The following SCN11A variants were observed in gnomAD, a reference collection of about 807,000 sequenced individuals.
SCN11A encodes sodium voltage-gated channel alpha subunit 11.
SCN11A carries 122 observed loss-of-function variants against 162.2 expected under a neutral mutation model. The observed-to-expected ratio is 0.75, with a 90% CI of 0.65 to 0.87. SCN11A has a LOEUF of 0.87. Ranked by LOEUF, SCN11A falls within the 40% of genes least tolerant of loss-of-function variation. The probability of loss-of-function intolerance (pLI) is 0.00; values close to 1 mark genes in which losing one functional copy is unlikely to be tolerated. For synonymous variants in SCN11A, 758 were observed against 751.5 expected (o/e 1.01, Z -0.14); for missense variants, 2,015 against 2,181.6 (o/e 0.92, Z 1.52).
chr3:39,000,193 A>C (rs1430799946), intron 2 of SCN11A, among the ~76,000 whole-genome samples: 1 of 152,224 alleles, frequency 6.6e-6, no homozygotes, highest in Non-Finnish European at 1.5e-5. Context: ...GGGGCAATAC[A>C]TTGCATGTAG....
chr3:38,913,227 T>C (rs192827589), intron 11 of SCN11A, among the ~76,000 whole-genome samples: 1 of 152,296 alleles, frequency 6.6e-6, no homozygotes, highest in East Asian at 1.9e-4. Context: ...ATTTGTCTAA[T>C]GGTCAGTGAT....
rs1401342697 is a variant in SCN11A, at chr3:38,894,788, C to A, written c.2580G>T (p.Lys860Asn). The A allele has an allele frequency of 6.2e-7, 1 of 1,614,172 alleles. No homozygotes were observed. The highest frequency in any genetic ancestry group is 8.5e-7 in the Non-Finnish European group (1 of 1,180,028). Residue 860 changes from lysine (K) to asparagine (N), a missense_variant, in exon 19 of 30, where the codon AAG (lysine) becomes AAT (asparagine). Coordinates refer to ENST00000302328, the MANE Select transcript of SCN11A (RefSeq NM_001349253.2). ...CCTCTTTTTGCTGTGGTAAGTTTTG[C>A]TTCCTGCACCACTTGTGACAGAAAT... ...LEHFCHKWCR[K>N]QNLPQQKEVA...
intron 2 of SCN11A, among the ~76,000 whole-genome samples, chr3:38,966,418 C>CA (rs905769841): frequency 2.2e-4 from 33 of 151,482 alleles, no homozygotes; most frequent in African/African-American, 3.9e-4. Context: ...GAGTATTTTA[C>CA]AAAAAAAAGA....
At chr3:38,914,561 T>C (rs1210266220) in intron 11 of SCN11A, among the ~76,000 whole-genome samples, 1 of 152,152 alleles carries the variant, frequency 6.6e-6, no homozygotes, top group Non-Finnish European at 1.5e-5. Context: ...TCCTGTCTTG[T>C]GCTACTTTTC....
At chr3:39,029,767 A>T (rs2031697457) in intron 2 of SCN11A, among the ~76,000 whole-genome samples, 1 of 152,258 alleles carries the variant, frequency 6.6e-6, no homozygotes, top group South Asian at 2.1e-4. Context: ...AATATTTACC[A>T]TTCAAAGGCT....
chr3:39,050,135 A>G (rs2032290653), intron 1 of SCN11A, among the ~76,000 whole-genome samples: 1 of 152,202 alleles, frequency 6.6e-6, no homozygotes, highest in Non-Finnish European at 1.5e-5. Context: ...CATTGGTCTA[A>G]AAGATCCTGC....
chr3:38,847,152 A>G lies in SCN11A; in HGVS notation c.4918T>C (p.Phe1640Leu). 1 of 1,614,166 alleles carries G rather than the reference A, an allele frequency of 6.2e-7. No individual in the cohort carries two copies. Among genetic ancestry groups the G allele is most frequent in the Non-Finnish European group, 8.5e-7 (1 of 1,180,008 alleles). Residue 1640 changes from phenylalanine (F) to leucine (L), a missense_variant, in exon 30 of 30, where the codon TTT becomes CTT. By Grantham distance (22) the Phe-to-Leu change is conservative. Coordinates refer to ENST00000302328, the MANE Select transcript of SCN11A (RefSeq NM_001349253.2). ...TCAGAAAGGGCAGAATATTTGATAA[A>G]TTGTGTTGCTTCTGGGTCAAACTTT... is the stretch of plus-strand genomic sequence containing the variant. Reference protein sequence around the residue: ...WEKFDPEATQFIKYSALSDFA... With the variant: ...WEKFDPEATQLIKYSALSDFA...
intron 18 of SCN11A, among the ~76,000 whole-genome samples, chr3:38,896,071 A>C (rs565634234): frequency 1.3e-5 from 2 of 152,308 alleles, no homozygotes; most frequent in East Asian, 3.9e-4. Flanking sequence ...CTTATACAAC[A>C]AAAATCTGTA....
chr3:39,047,046 CCCCCCACCCCCA>C (rs1196512820), intron 1 of SCN11A, among the ~76,000 whole-genome samples: 1 of 63,214 alleles, frequency 1.6e-5, no homozygotes, highest in African/African-American at 7.4e-5. Context: ...CCACCCCCAT[CCCCCCACCCCCA>C]CCCCCACCCC....
Position 38,910,131 on chromosome 3 carries a change from C to T in SCN11A, c.1036G>A (p.Gly346Ser), listed in dbSNP as rs764999259. ...DYNYTNFDNF[G>S]WSFLAMFRLM... is the part of the protein sequence containing the mutation. ...CGGAACATGGCAAGAAAAGACCAGC[C>T]AAAGTTGTCAAAATTCGTATAATTA... The change falls in exon 12 of 30, where the codon GGC becomes AGC. Residue 346 changes from glycine (G) to serine (S), a missense_variant. Transcript: ENST00000302328. 6.2e-7 allele frequency: 1 copy of T among 1,613,806 alleles called. No individual in the cohort carries two copies. Among genetic ancestry groups the T allele is most frequent in the South Asian group, 1.1e-5 (1 of 91,078 alleles).
chr3:38,917,143 T>A (rs1486851053), intron 11 of SCN11A, among the ~76,000 whole-genome samples: 1 of 152,196 alleles, frequency 6.6e-6, no homozygotes, highest in African/African-American at 2.4e-5. Flanking sequence ...TCAGAATGGC[T>A]ATTACTAAAA....
intron 29 of SCN11A, 177 bp downstream of exon 29, chr3:38,850,304 T>C: frequency 1.7e-6 from 1 of 602,090 alleles, no homozygotes; most frequent in Non-Finnish European, 2.9e-6. Context: ...AATTACTCTC[T>C]ATCTCCTAGC....
chr3:38,948,153 A>T (rs1332491517), intron 5 of SCN11A, among the ~76,000 whole-genome samples: 1 of 152,304 alleles, frequency 6.6e-6, no homozygotes, highest in East Asian at 1.9e-4. Flanking sequence ...TTTTTTAAAA[A>T]TATGAGCCAG....
intron 2 of SCN11A, among the ~76,000 whole-genome samples, chr3:38,964,261 C>A (rs561968623): frequency 6.6e-6 from 1 of 152,152 alleles, no homozygotes; most frequent in African/African-American, 2.4e-5. Flanking sequence ...TCAGTTCTGC[C>A]GTCTGATGAG....
Position 38,883,339 on chromosome 3 carries a change from G to C in SCN11A, c.3113C>G (p.Pro1038Arg). The change falls in exon 22 of 30, where the codon CCC becomes CGC. Residue 1038 changes from proline to arginine, a missense_variant. By Grantham distance (103) the Pro-to-Arg change is moderately radical (BLOSUM62 -2). Transcript: ENST00000302328. ...CCGCAGGTTCCACCAAATGACCCAG[G>C]GAGGCTTTCTCTTGTCCACGCTACA... The part of the protein sequence containing the change: ...PCCSVDKRKP[P>R]WVIWWNLRKT... 1 of 1,614,014 alleles carries C rather than the reference G, an allele frequency of 6.2e-7. No individual in the cohort carries two copies. Among genetic ancestry groups the C allele is most frequent in the Non-Finnish European group, 8.5e-7 (1 of 1,179,936 alleles).
At chr3:38,983,947 GA>G (rs1471557095) in intron 2 of SCN11A, among the ~76,000 whole-genome samples, 2 of 152,220 alleles carry the variant, frequency 1.3e-5, no homozygotes, top group Non-Finnish European at 2.9e-5. Flanking sequence ...CTCTGGTGAA[GA>G]TAATGATCAC....
At position 38,945,511 on chromosome 3, in the gene SCN11A, A is replaced by G. The variant is rs2066503624; in HGVS notation, c.388T>C (p.Leu130=). The change falls in exon 7 of 30, where the codon TTG becomes CTG. Residue 130 remains leucine (L), a splice_region_variant and synonymous_variant. Transcript: ENST00000302328. ...GTGCCGATAATGAACATGCTGAACAATGTGGCCAGCATCCATTAAGGCAGA... is the reference window on the plus strand; with the variant it reads ...GTGCCGATAATGAACATGCTGAACAGTGTGGCCAGCATCCATTAAGGCAGA... ...SLAIRVSVHS[L]FSMFIIGTVI... 9 of 1,558,692 alleles carry G rather than the reference A, an allele frequency of 5.8e-6. No homozygotes were observed. Among genetic ancestry groups the G allele is most frequent in the Non-Finnish European group, 7.9e-6 (9 of 1,142,944 alleles).
chr3:38,889,973 G>GAA (rs944839326), intron 19 of SCN11A, among the ~76,000 whole-genome samples: 1 of 141,974 alleles, frequency 7.0e-6, no homozygotes, highest in Admixed American at 7.0e-5. Flanking sequence ...ATGAGTTATG[G>GAA]AAAAAAAAAA....
At chr3:38,855,024 C>T (rs890935364) in intron 28 of SCN11A, among the ~76,000 whole-genome samples, 1 of 152,228 alleles carries the variant, frequency 6.6e-6, no homozygotes, top group Non-Finnish European at 1.5e-5. Context: ...ACGGGAGTTG[C>T]TGCAGATACG....
Sources: allele counts gnomAD v4.1 joint callset (sites outside exome capture counted in the v4.1 genomes callset), GRCh38; gene constraint gnomAD v4.1.1; transcripts MANE v1.5; gene names NCBI Gene and HGNC (gene_info 2026-07-23, HGNC 2026-07-21).